GAS7: variants seen among roughly 807,000 people sequenced by gnomAD.
GAS7 encodes growth arrest specific 7.
In GAS7, 28 loss-of-function variants were observed where a neutral mutation model predicts 71.1. The ratio of observed to expected loss-of-function variants is 0.39; its 90% CI spans 0.29 to 0.54. GAS7 has a LOEUF of 0.54. Ranked by LOEUF, GAS7 falls within the 20% of genes least tolerant of loss-of-function variation. The pLI, the probability that GAS7 is intolerant of heterozygous loss-of-function variation, is 0.62. For missense variants in GAS7, 436 were observed against 627.8 expected, an observed-to-expected ratio of 0.69 and a Z score of 3.27; for synonymous variants, 258 against 245.8, an observed-to-expected ratio of 1.05 and a Z score of -0.46.
chr17:10,182,523 G>C (rs1230014282), intron 1 of GAS7, among the ~76,000 whole-genome samples: 1 of 152,116 alleles, frequency 6.6e-6, no homozygotes, highest in African/African-American at 2.4e-5. Flanking sequence ...ATTATTTCCT[G>C]TGTGAAGCCA....
chr17:10,013,378 T>C (rs531483970), intron 2 of GAS7, among the ~76,000 whole-genome samples: 21 of 152,270 alleles, frequency 1.4e-4, no homozygotes, highest in African/African-American at 4.8e-4. Flanking sequence ...CTGGATGGGG[T>C]AGGCTATTGA....
rs147105576 is a variant in GAS7, at chr17:10,111,886, C to T, written c.183+86322G>A. Among the ~76,000 whole-genome samples, 11 of 152,306 alleles carry T rather than the reference C, an allele frequency of 7.2e-5. No homozygotes were observed. The East Asian group carries it at 1.9e-3, about 27-fold the overall frequency. On this transcript the variant is annotated intron_variant, in intron 1 of 13. Coordinates refer to ENST00000432992, the MANE Select transcript of GAS7 (RefSeq NM_201433.2). ...CTTGAGGAAACCTAGACCAGATACACTCTGCTTCTTAGACTCTTATTTTCA... is the reference window on the plus strand; with the variant it reads ...CTTGAGGAAACCTAGACCAGATACATTCTGCTTCTTAGACTCTTATTTTCA...
chr17:10,119,852 C>CA (rs1471981601), intron 1 of GAS7, among the ~76,000 whole-genome samples: 1 of 152,176 alleles, frequency 6.6e-6, no homozygotes, highest in Non-Finnish European at 1.5e-5. Flanking sequence ...ACCTGCTGGG[C>CA]GAGTTTGGTT....
chr17:9,921,157 CTTTTTTT>C (rs962798348), intron 11 of GAS7, among the ~76,000 whole-genome samples: 7 of 137,406 alleles, frequency 5.1e-5, no homozygotes, highest in African/African-American at 1.1e-4. Flanking sequence ...GCATTTTTTT[CTTTTTTT>C]TTTTTTTTTT....
chr17:9,987,924 A>C (rs1418296748), intron 2 of GAS7, among the ~76,000 whole-genome samples: 1 of 152,194 alleles, frequency 6.6e-6, no homozygotes, highest in African/African-American at 2.4e-5. Flanking sequence ...GGGCCCACCT[A>C]CAAGCCTCTG....
intron 8 of GAS7, among the ~76,000 whole-genome samples, chr17:9,935,128 G>A (rs1373823330): frequency 6.6e-6 from 1 of 152,216 alleles, no homozygotes. Context: ...CAGGAGTGGG[G>A]AAGATGGACT....
At chr17:10,017,527 C>G (rs1277785237) in intron 2 of GAS7, among the ~76,000 whole-genome samples, 1 of 152,108 alleles carries the variant, frequency 6.6e-6, no homozygotes, top group Non-Finnish European at 1.5e-5. Flanking sequence ...CGGGGTTTCA[C>G]CATGTTGGTC....
At chr17:10,182,563 C>T (rs1567623828) in intron 1 of GAS7, among the ~76,000 whole-genome samples, 1 of 152,178 alleles carries the variant, frequency 6.6e-6, no homozygotes, top group Admixed American at 6.5e-5. Flanking sequence ...AGGCTCAGCC[C>T]CAATTTTGGG....
intron 1 of GAS7, among the ~76,000 whole-genome samples, chr17:10,035,738 A>C (rs1346951727): frequency 1.3e-5 from 2 of 152,100 alleles, no homozygotes; most frequent in Non-Finnish European, 2.9e-5. Context: ...CTGGGGGTGG[A>C]AAGATTGGTG....
rs748111697 is a variant in GAS7, at chr17:10,198,199, G to A, written c.183+9C>T. ...CCCGGCTCCTACAGCCCCGGCCCTC[G>A]CCCCTTACCTCCAGCAACTGCACGT... On this transcript the variant is annotated intron_variant, in intron 1 of 13. Transcript: ENST00000432992. The A allele has an allele frequency of 1.1e-5, 17 of 1,606,264 alleles. No homozygotes were observed. Among genetic ancestry groups the A allele is most frequent in the South Asian group, 3.3e-5 (3 of 91,040 alleles).
chr17:9,920,144 T>G (rs796310764), intron 11 of GAS7, among the ~76,000 whole-genome samples: 28 of 149,372 alleles, frequency 1.9e-4, no homozygotes, highest in African/African-American at 6.3e-4. Flanking sequence ...AATTTGGTGC[T>G]AAGAATAATT....
At chr17:10,196,948 G>A (rs2074545194) in intron 1 of GAS7, among the ~76,000 whole-genome samples, 1 of 152,144 alleles carries the variant, frequency 6.6e-6, no homozygotes, top group Non-Finnish European at 1.5e-5. Context: ...GAACCAAGAG[G>A]GTTCCTGCAA....
intron 2 of GAS7, among the ~76,000 whole-genome samples, chr17:10,008,718 A>G (rs1442010722): frequency 1.3e-5 from 2 of 152,202 alleles, no homozygotes; most frequent in East Asian, 3.8e-4. Flanking sequence ...AGAATCCATT[A>G]AAGAAAAATA....
intron 1 of GAS7, among the ~76,000 whole-genome samples, chr17:10,052,760 C>A (rs921703156): frequency 2.0e-5 from 3 of 152,162 alleles, no homozygotes; most frequent in African/African-American, 7.2e-5. Flanking sequence ...AACCACCTTG[C>A]TCTGTCTAGT....
At chr17:10,163,307 C>T (rs1053751174) in intron 1 of GAS7, among the ~76,000 whole-genome samples, 3 of 151,418 alleles carry the variant, frequency 2.0e-5, no homozygotes, top group Non-Finnish European at 2.9e-5. Flanking sequence ...AGACGGGGTG[C>T]GGGGGAGTGG....
intron 7 of GAS7, among the ~76,000 whole-genome samples, chr17:9,941,758 C>T (rs765333862): frequency 6.6e-6 from 1 of 152,212 alleles, no homozygotes; most frequent in Non-Finnish European, 1.5e-5. Context: ...CAAACCCGAG[C>T]TGTGCAACCT....
At chr17:10,167,362 A>G (rs947230121) in intron 1 of GAS7, among the ~76,000 whole-genome samples, 14 of 151,800 alleles carry the variant, frequency 9.2e-5, no homozygotes, top group African/African-American at 2.9e-4. Context: ...CCGCTTGTCT[A>G]TTTCTAACTT....
At chr17:10,144,874 C>T (rs556317059) in intron 1 of GAS7, among the ~76,000 whole-genome samples, 1 of 152,164 alleles carries the variant, frequency 6.6e-6, no homozygotes, top group African/African-American at 2.4e-5. Context: ...AAAAAAAAGT[C>T]TTTTATGTCT....
At chr17:10,068,637 G>A (rs1219518671) in intron 1 of GAS7, among the ~76,000 whole-genome samples, 1 of 151,592 alleles carries the variant, frequency 6.6e-6, no homozygotes, top group African/African-American at 2.4e-5. Context: ...GGTGGCACAC[G>A]CCTACAGTTC....
Sources: allele counts gnomAD v4.1 joint callset (sites outside exome capture counted in the v4.1 genomes callset), GRCh38; gene constraint gnomAD v4.1.1; transcripts MANE v1.5; gene names NCBI Gene and HGNC (gene_info 2026-07-23, HGNC 2026-07-21).